TDRD9: variants seen among roughly 807,000 people sequenced by gnomAD.
TDRD9 encodes the protein ATP-dependent RNA helicase TDRD9.
TDRD9 carries 124 observed loss-of-function variants against 172.6 expected under a neutral mutation model. The observed-to-expected ratio is 0.72, with a 90% confidence interval of 0.62 to 0.83. The LOEUF is 0.83. TDRD9 is among the 40% of genes least tolerant of loss of function. The pLI is 0.00. For missense variants in TDRD9, 1,479 were observed against 1,714.1 expected, an observed-to-expected ratio of 0.86 and a Z score of 2.42; for synonymous variants, 619 against 617.1, an observed-to-expected ratio of 1.00 and a Z score of -0.05.
At chr14:104,048,463 T>C (rs2035844981) in intron 34 of TDRD9, among the ~76,000 whole-genome samples, 1 of 152,172 alleles carries the variant, frequency 6.6e-6, no homozygotes, top group South Asian at 2.1e-4. Context: ...GTGTTGTCCT[T>C]GTATCTGATC....
intron 28 of TDRD9, among the ~76,000 whole-genome samples, chr14:104,030,486 C>T (rs772139468): frequency 9.9e-5 from 15 of 152,066 alleles, no homozygotes; most frequent in Non-Finnish European, 1.8e-4. Flanking sequence ...AGTGAGACTC[C>T]GTCTCAAAGC....
Position 104,006,466 on chromosome 14 carries a change from T to A in TDRD9, c.1791T>A (p.Val597=). The A allele has an allele frequency of 6.2e-7, 1 of 1,613,876 alleles. No individual in the cohort carries two copies. The change falls in exon 16 of 36, where the codon GTT becomes GTA. Residue 597 remains valine (V), a synonymous_variant. Coordinates refer to ENST00000409874, the MANE Select transcript of TDRD9 (RefSeq NM_153046.3). ...GTGAATTGACCTTCTTAGGAAGAGT[T>A]TTAGCCCAACTTCCTGTAAATCAGC... ...HDGELTFLGR[V]LAQLPVNQQL... is the part of the protein sequence containing the mutation.
intron 24 of TDRD9, 59 bp from the exon 25 acceptor site, chr14:104,024,510 T>G (rs760351204): frequency 2.4e-5 from 22 of 909,316 alleles, no homozygotes; most frequent in Non-Finnish European, 3.8e-5. Context: ...TTCACATATG[T>G]AAATGTGTTT....
At chr14:104,041,835 T>C (rs2035619831) in intron 33 of TDRD9, among the ~76,000 whole-genome samples, 1 of 152,248 alleles carries the variant, frequency 6.6e-6, no homozygotes, top group Non-Finnish European at 1.5e-5. Flanking sequence ...TCTGTAGGTA[T>C]TTATTCAAGA....
chr14:103,996,084 G>A (rs182044657), intron 12 of TDRD9, among the ~76,000 whole-genome samples: 2 of 152,304 alleles, frequency 1.3e-5, no homozygotes, highest in Admixed American at 1.3e-4. Flanking sequence ...GGGGCTGCCA[G>A]GTGGAGTTCT....
At chr14:103,935,660 G>A (rs1047403204) in intron 1 of TDRD9, among the ~76,000 whole-genome samples, 4 of 152,202 alleles carry the variant, frequency 2.6e-5, no homozygotes, top group Non-Finnish European at 5.9e-5. Flanking sequence ...GTGAGTGGGT[G>A]TAGAGAGAAG....
chr14:103,969,122 AC>A lies in TDRD9; in HGVS notation c.766-1413del, dbSNP rs1432997210. Among the ~76,000 whole-genome samples the A allele has an allele frequency of 4.1e-5, 6 of 147,578 alleles. No homozygotes were observed. In the East Asian group the frequency reaches 7.9e-4, roughly 19 times the overall value. On this transcript the variant is annotated intron_variant, in intron 5 of 35. Transcript: ENST00000409874. ...GTAAAAAAAAAAAAGCAAAAAAAAA[AC>A]CCCCCAAAAAAAACTAGCTTTAAGC...
chr14:103,969,415 T>G (rs1035434567), intron 5 of TDRD9, among the ~76,000 whole-genome samples: 1 of 152,144 alleles, frequency 6.6e-6, no homozygotes, highest in Non-Finnish European at 1.5e-5. Context: ...ATAGCCTTGA[T>G]TTTTCTTCTC....
At chr14:103,981,778 A>G (rs2033481881) in intron 7 of TDRD9, among the ~76,000 whole-genome samples, 1 of 152,226 alleles carries the variant, frequency 6.6e-6, no homozygotes, top group Admixed American at 6.5e-5. Context: ...AACTTATTGA[A>G]TACTGCACTA....
intron 1 of TDRD9, among the ~76,000 whole-genome samples, chr14:103,939,484 A>G: frequency 6.6e-6 from 1 of 152,040 alleles, no homozygotes; most frequent in Non-Finnish European, 1.5e-5. Flanking sequence ...CAAAGGTAGT[A>G]TGTAGGAAAA....
rs1328351238 is a variant in TDRD9, at chr14:103,975,526, T to A, written c.984T>A (p.Asn328Lys). ...ATTCAGTTGAAGAGTATTATCTTAATGATTTGGAGCACATTCATCATAGCA... is the reference window on the plus strand; with the variant it reads ...ATTCAGTTGAAGAGTATTATCTTAAAGATTTGGAGCACATTCATCATAGCA... ...KPHSVEEYYL[N>K]DLEHIHHSKL... Residue 328 changes from asparagine (N) to lysine (K), a missense_variant, in exon 7 of 36, where the codon AAT becomes AAA. Physicochemically the swap from Asn to Lys is moderately conservative, Grantham distance 94. Around this residue, in one of 3 missense-constraint regions of TDRD9, gnomAD observed 1,413 missense variants for 1,649.1 expected, o/e 0.86. Coordinates refer to ENST00000409874, the MANE Select transcript of TDRD9 (RefSeq NM_153046.3). 6 of 1,611,098 alleles carry A rather than the reference T, an allele frequency of 3.7e-6. No individual in the cohort carries two copies. In the Admixed American group the frequency reaches 1.0e-4, roughly 27 times the overall value.
At chr14:103,959,462 G>C (rs931855086) in intron 2 of TDRD9, among the ~76,000 whole-genome samples, 52 of 133,808 alleles carry the variant, frequency 3.9e-4, no homozygotes, top group African/African-American at 1.3e-3. Flanking sequence ...TATCGTGTGT[G>C]TGTGTGTGTG....
intron 1 of TDRD9, among the ~76,000 whole-genome samples, chr14:103,932,748 GTCAC>G (rs2030482355): frequency 6.6e-6 from 1 of 152,116 alleles, no homozygotes; most frequent in African/African-American, 2.4e-5. Context: ...GTTAGAGATA[GTCAC>G]TCAATGGTAA....
At chr14:103,949,561 A>C (rs746432041) in intron 1 of TDRD9, among the ~76,000 whole-genome samples, 1 of 152,242 alleles carries the variant, frequency 6.6e-6, no homozygotes, top group African/African-American at 2.4e-5. Flanking sequence ...TATGCCACCC[A>C]GGGAGTCGTG....
intron 32 of TDRD9, among the ~76,000 whole-genome samples, chr14:104,038,547 G>T (rs60558048): frequency 0.081 from 12,353 of 152,216 alleles, 885 homozygotes; most frequent in African/African-American, 0.19. Flanking sequence ...GTTGCTGCTT[G>T]CCAGAGACCT....
chr14:104,014,661 T>A, intron 20 of TDRD9, 64 bp from the exon 21 acceptor site: 1 of 871,368 alleles, frequency 1.1e-6, no homozygotes, highest in Non-Finnish European at 1.9e-6. Context: ...TATTTTCTAG[T>A]GTTTTCACTG....
At chr14:103,992,338 G>A (rs896331630) in intron 9 of TDRD9, among the ~76,000 whole-genome samples, 22 of 152,186 alleles carry the variant, frequency 1.4e-4, no homozygotes, top group African/African-American at 5.3e-4. Context: ...TGCAATGAAA[G>A]TAGCTTACTT....
chr14:103,969,589 G>A (rs1476980599), intron 5 of TDRD9, among the ~76,000 whole-genome samples: 2 of 152,104 alleles, frequency 1.3e-5, no homozygotes, highest in Non-Finnish European at 2.9e-5. Flanking sequence ...GAAGATAGTA[G>A]GGCCTGGAAT....
chr14:103,994,001 G>T (rs1171659509), intron 9 of TDRD9, among the ~76,000 whole-genome samples: 1 of 152,192 alleles, frequency 6.6e-6, no homozygotes, highest in Non-Finnish European at 1.5e-5. Flanking sequence ...TGATTGTAAA[G>T]ATTTTGCATG....
Sources: allele counts gnomAD v4.1 joint callset (sites outside exome capture counted in the v4.1 genomes callset), GRCh38; gene constraint gnomAD v4.1.1; regional missense constraint gnomAD v4.1.1; transcripts MANE v1.5; gene names NCBI Gene and HGNC (gene_info 2026-07-23, HGNC 2026-07-21).